The following MAP3K5 variants were observed in gnomAD, a reference collection of about 807,000 sequenced individuals.
MAP3K5 encodes mitogen-activated protein kinase kinase kinase 5.
MAP3K5 carries 56 observed loss-of-function variants against 158.7 expected under a neutral mutation model. The observed-to-expected ratio is 0.35, with a 90% CI of 0.28 to 0.44. MAP3K5 has a LOEUF of 0.44. MAP3K5 is among the 20% of genes least tolerant of loss of function. MAP3K5 has a pLI of 1.00. For missense variants in MAP3K5, 1,294 were observed against 1,674.8 expected, an observed-to-expected ratio of 0.77 and a Z score of 3.97; for synonymous variants, 579 against 601.7, an observed-to-expected ratio of 0.96 and a Z score of 0.55.
chr6:136,614,754 T>C (rs1776492815), intron 15 of MAP3K5, among the ~76,000 whole-genome samples: 1 of 152,224 alleles, frequency 6.6e-6, no homozygotes, highest in Non-Finnish European at 1.5e-5. Context: ...TATTACAATT[T>C]ACTATTAATC....
chr6:136,656,164 C>A (rs771398605), intron 10 of MAP3K5, 143 bp downstream of exon 10: 2 of 642,972 alleles, frequency 3.1e-6, no homozygotes, highest in Non-Finnish European at 2.7e-6. Flanking sequence ...CTAAAGCAAA[C>A]CAATGTGCAG....
In MAP3K5 at chr6:136,671,591, C is replaced by T. The variant is rs1345129062; in HGVS notation, c.1254-2196G>A. Among the ~76,000 whole-genome samples the T allele has an allele frequency of 2.0e-5, 3 of 152,184 alleles. No individual in the cohort carries two copies. In the East Asian group the frequency reaches 5.8e-4, roughly 29 times the overall value. On this transcript the variant is annotated intron_variant, in intron 7 of 29. Transcript: ENST00000359015. ...TACAGTATTCTTGGCAGAAATTTGCCAATATCAAAACTATAGAATTTTTGT... is the reference window on the plus strand; with the variant it reads ...TACAGTATTCTTGGCAGAAATTTGCTAATATCAAAACTATAGAATTTTTGT...
Position 136,605,301 on chromosome 6 carries a change from C to T in MAP3K5, c.2587G>A (p.Asp863Asn). The change falls in exon 19 of 30, where the codon GAC becomes AAC. Residue 863 changes from aspartate (D) to asparagine (N), a missense_variant. By Grantham distance (23) the Asp-to-Asn change is conservative. Coordinates refer to ENST00000359015, the MANE Select transcript of MAP3K5 (RefSeq NM_005923.4). ...ATTGTACAGCCCAGAGACCAGATGT[C>T]TGCTGCTTTTCCGTAGCCTCTTGGT... ...KGPRGYGKAA[D>N]IWSLGCTIIE... The T allele has an allele frequency of 6.2e-7, 1 of 1,614,162 alleles. No individual in the cohort carries two copies. Among genetic ancestry groups the T allele is most frequent in the Non-Finnish European group, 8.5e-7 (1 of 1,179,990 alleles).
At chr6:136,737,037 GTA>G (rs56011325) in intron 1 of MAP3K5, among the ~76,000 whole-genome samples, 1,614 of 126,734 alleles carry the variant, frequency 0.013, 83 homozygotes, top group African/African-American at 0.053. Flanking sequence ...ATATGTGTGT[GTA>G]TATATATATA....
Position 136,639,555 on chromosome 6 carries a change from A to T in MAP3K5, c.1922T>A (p.Leu641His). ...GACTAATACGTACTTTTTACAATGA[A>T]GTTCTGTACAGAAATAGATTTGGAA... Reference protein sequence around the residue: ...DDFQIYFCTELHCKKFFEMVN... With the variant: ...DDFQIYFCTEHHCKKFFEMVN... The change falls in exon 13 of 30, where the codon CTT (leucine) becomes CAT (histidine). Residue 641 changes from leucine (L) to histidine (H), a missense_variant. This residue lies in a region of MAP3K5 where 690 missense variants were observed against 870.5 expected (regional missense o/e 0.79). Transcript: ENST00000359015. 1 of 1,578,736 alleles carries T rather than the reference A, an allele frequency of 6.3e-7. No individual in the cohort carries two copies. Among genetic ancestry groups the T allele is most frequent in the Non-Finnish European group, 8.6e-7 (1 of 1,158,514 alleles).
In MAP3K5 at chr6:136,772,072, T is replaced by C. The variant is rs373191949; in HGVS notation, c.448+19638A>G. 2.5e-4 allele frequency among the ~76,000 whole-genome samples: 34 copies of C among 137,772 alleles called. 2 individuals carry two copies. Among genetic ancestry groups the C allele is most frequent in the Admixed American group, 1.1e-3 (15 of 14,108 alleles). 90.4% of individuals were successfully genotyped at this position (137,772 alleles called of 152,430 possible). A position where few individuals can be genotyped will look rare whatever the true frequency, so the allele number is the denominator to read the frequency against. ...TACAGGCGTGTGCCACCACGCCCAA[T>C]TAATTTTTGTATTTTTTAGTAGAAA... On this transcript the variant is annotated intron_variant, in intron 1 of 29. Transcript: ENST00000359015.
At chr6:136,686,383 C>A (rs1475923643) in intron 7 of MAP3K5, among the ~76,000 whole-genome samples, 1 of 152,186 alleles carries the variant, frequency 6.6e-6, no homozygotes, top group African/African-American at 2.4e-5. Context: ...CGGCCTCTCT[C>A]ACCACTCCTA....
chr6:136,586,478 G>A (rs9402827), intron 23 of MAP3K5, among the ~76,000 whole-genome samples: 16,232 of 152,146 alleles, frequency 0.11, 1,032 homozygotes, highest in East Asian at 0.18. Context: ...ATCTACTTAC[G>A]TCATCATTTA....
At chr6:136,727,749 A>C (rs917917740) in intron 1 of MAP3K5, among the ~76,000 whole-genome samples, 8 of 152,174 alleles carry the variant, frequency 5.3e-5, no homozygotes, top group African/African-American at 1.9e-4. Flanking sequence ...CCACAAGGTC[A>C]GGAGATCGAG....
Position 136,791,403 on chromosome 6 carries a change from C to G in MAP3K5, c.448+307G>C, listed in dbSNP as rs547328759. 1.2e-4 allele frequency among the ~76,000 whole-genome samples: 19 copies of G among 152,194 alleles called. 1 individual carries two copies. The highest frequency in any genetic ancestry group is 4.6e-4 in the African/African-American group (19 of 41,564). Reference sequence around the variant, plus strand: ...AACCGAGACACTGAAAGGAGAAAGACTGACTGGGGCAAATATCTCACACTG... The same window carrying G: ...AACCGAGACACTGAAAGGAGAAAGAGTGACTGGGGCAAATATCTCACACTG... On this transcript the variant is annotated intron_variant, in intron 1 of 29. Coordinates refer to ENST00000359015, the MANE Select transcript of MAP3K5 (RefSeq NM_005923.4).
chr6:136,595,297 G>A (rs953824866), intron 21 of MAP3K5, among the ~76,000 whole-genome samples: 1 of 151,998 alleles, frequency 6.6e-6, no homozygotes, highest in South Asian at 2.1e-4. Context: ...TTTGTATAGG[G>A]TTTCGCCATG....
At position 136,613,011 on chromosome 6, in the gene MAP3K5, A is replaced by G; in HGVS notation, c.2415+109T>C. The G allele has an allele frequency of 9.7e-7, 1 of 1,025,986 alleles. No homozygotes were observed. Among genetic ancestry groups the G allele is most frequent in the South Asian group, 1.8e-5 (1 of 54,894 alleles). The allele number at this position is 1,025,986 out of a possible 1,614,324, so 63.6% of individuals were successfully genotyped here. A position where few individuals can be genotyped will look rare whatever the true frequency, so the allele number is the denominator to read the frequency against. ...TATATTTCTGCTGTTTCTAAGATTT[A>G]CTTATTCACCATTCTAAATTAATAC... On this transcript the variant is annotated intron_variant, in intron 17 of 29. Coordinates refer to ENST00000359015, the MANE Select transcript of MAP3K5 (RefSeq NM_005923.4). This position sits in a 1 kb window ranked among gnomAD's most constrained non-coding sequence, Gnocchi z 4.0.
chr6:136,642,666 C>A, intron 11 of MAP3K5, 97 bp from the exon 12 acceptor site: 1 of 792,734 alleles, frequency 1.3e-6, no homozygotes, highest in South Asian at 1.6e-5. Context: ...ATATACACAG[C>A]CATTTTTCCT....
intron 2 of MAP3K5, among the ~76,000 whole-genome samples, chr6:136,714,363 T>C (rs1781434592): frequency 6.6e-6 from 1 of 152,196 alleles, no homozygotes; most frequent in Non-Finnish European, 1.5e-5. Context: ...AACCATTTGC[T>C]TCAAATGGAT....
rs1776437992 is a variant in MAP3K5 at position 136,613,659 on chromosome 6, G to A, written c.2279-403C>T. Among the ~76,000 whole-genome samples the A allele has an allele frequency of 1.3e-5, 2 of 152,024 alleles. No homozygotes were observed. The highest frequency in any genetic ancestry group is 2.1e-4 in the South Asian group (1 of 4,808). On this transcript the variant is annotated intron_variant, in intron 16 of 29. Transcript: ENST00000359015. The surrounding 1 kb of genome is among the most constrained non-coding windows in gnomAD (Gnocchi z 4.0). Reference sequence around the variant, plus strand: ...ATTCAGTTGTAACTTCTGATTCTGCGATTATAGGCTAAATCTCTTCCGCAT... The same window carrying A: ...ATTCAGTTGTAACTTCTGATTCTGCAATTATAGGCTAAATCTCTTCCGCAT...
rs144822542 is a variant in MAP3K5, at chr6:136,656,623, CT to C, written c.1527-164del. On this transcript the variant is annotated intron_variant, in intron 9 of 29. Coordinates refer to ENST00000359015, the MANE Select transcript of MAP3K5 (RefSeq NM_005923.4). ...TTGTTGCATATCGTGTGTTTTCACA[CT>C]TTTTTTTTTTTTAATGTTGAAACAG... 4.8e-3 allele frequency among the ~76,000 whole-genome samples: 701 copies of C among 144,788 alleles called. 2 individuals carry two copies. Among genetic ancestry groups the C allele is most frequent in the South Asian group, 9.5e-3 (43 of 4,542 alleles). 95.0% of individuals were successfully genotyped at this position (144,788 alleles called of 152,430 possible). A position where few individuals can be genotyped will look rare whatever the true frequency, so the allele number is the denominator to read the frequency against.
chr6:136,679,680 CAT>C (rs1779850705), intron 7 of MAP3K5, among the ~76,000 whole-genome samples: 2 of 152,122 alleles, frequency 1.3e-5, no homozygotes, highest in East Asian at 3.9e-4. Flanking sequence ...TTACCACGCA[CAT>C]ATTTTTTTTC....
rs971831887 is a variant in MAP3K5, at chr6:136,557,470, A to T, written c.*288T>A. ...TGAAGTGCAATAGCTGCTGCATTAA[A>T]AATATTTCCATAAAAATGCTTAGAT... On this transcript the variant is annotated 3_prime_UTR_variant, in exon 30 of 30. Transcript: ENST00000359015. 3.8e-5 allele frequency: 11 copies of T among 288,416 alleles called. No homozygotes were observed. Among genetic ancestry groups the T allele is most frequent in the Non-Finnish European group, 6.5e-5 (10 of 154,572 alleles). The allele number at this position is 288,416 out of a possible 1,614,324, so 17.9% of individuals were successfully genotyped here.
At chr6:136,703,142 T>C (rs574258966) in intron 3 of MAP3K5, among the ~76,000 whole-genome samples, 1 of 152,298 alleles carries the variant, frequency 6.6e-6, no homozygotes, top group East Asian at 1.9e-4. Context: ...CTCTCAGCAT[T>C]CAAATGTATT....
Sources: gnomAD v4.1 joint callset for allele counts (sites outside exome capture counted in the v4.1 genomes callset) on GRCh38, gnomAD v4.1.1 for gene constraint, gnomAD v4.1.1 regional missense constraint, Gnocchi (gnomAD v3.1) non-coding constraint, MANE v1.5 for transcripts, NCBI Gene and HGNC (gene_info 2026-07-23, HGNC 2026-07-21) for gene names.